The following CACNA2D1 variants were observed in gnomAD, a reference collection of about 807,000 sequenced individuals.
The protein encoded by CACNA2D1 is calcium voltage-gated channel auxiliary subunit alpha2delta 1.
In CACNA2D1, 53 loss-of-function variants were observed where a neutral mutation model predicts 171.5. The observed-to-expected ratio is 0.31, with a 90% CI of 0.25 to 0.39. The LOEUF (loss-of-function observed/expected upper bound fraction) is 0.39, where lower values mean the gene tolerates loss of function less well. CACNA2D1 is among the 10% of genes least tolerant of loss of function. The probability of loss-of-function intolerance (pLI) is 1.00; values close to 1 mark genes in which losing one functional copy is unlikely to be tolerated. For missense variants in CACNA2D1, 903 were observed against 1,299.8 expected (o/e 0.69, Z 4.69); for synonymous variants, 442 against 443.1 (o/e 1.00, Z 0.03).
chr7:82,380,118 G>T (rs1331059635), intron 1 of CACNA2D1, among the ~76,000 whole-genome samples: 2 of 151,978 alleles, frequency 1.3e-5, no homozygotes, highest in African/African-American at 2.4e-5. Context: ...AACTATAATT[G>T]TCTCCTATCA....
At chr7:82,000,389 T>C (rs1344934431) in intron 18 of CACNA2D1, among the ~76,000 whole-genome samples, 2 of 152,080 alleles carry the variant, frequency 1.3e-5, no homozygotes, top group African/African-American at 4.8e-5. Context: ...ATTTCCTAGG[T>C]GAATATACTG....
chr7:82,150,267 A>AAAAT (rs1793681289), intron 4 of CACNA2D1, among the ~76,000 whole-genome samples: 1 of 85,592 alleles, frequency 1.2e-5, no homozygotes, highest in Non-Finnish European at 2.2e-5. Flanking sequence ...TAAAAAAAAA[A>AAAAT]AACAAAAACA....
intron 1 of CACNA2D1, among the ~76,000 whole-genome samples, chr7:82,424,872 C>T (rs1329667890): frequency 6.6e-6 from 1 of 152,198 alleles, no homozygotes; most frequent in Non-Finnish European, 1.5e-5. Flanking sequence ...AATCTGTGAG[C>T]ACGTAAAGTA....
chr7:82,051,107 C>G (rs1017078054), intron 10 of CACNA2D1: 1 of 157,760 alleles, frequency 6.3e-6, no homozygotes, highest in Non-Finnish European at 1.4e-5. Context: ...CTCCTTGAAC[C>G]GCATACTGTG....
At chr7:82,185,473 GGGGGAGGGGGAGGAGGAGGGGGA>G (rs1797574351) in intron 3 of CACNA2D1, among the ~76,000 whole-genome samples, 2 of 31,078 alleles carry the variant, frequency 6.4e-5, no homozygotes, top group Non-Finnish European at 1.6e-4. Context: ...AAAAGAGAGG[GGGGGAGGGGGAGGAGGAGGGGGA>G]GGGGAGGGGG....
intron 5 of CACNA2D1, among the ~76,000 whole-genome samples, chr7:82,130,996 G>T (rs1031594500): frequency 4.6e-5 from 7 of 151,990 alleles, no homozygotes; most frequent in Admixed American, 2.0e-4. Context: ...TAGAGACAGG[G>T]TTTCACTGTG....
chr7:82,270,385 T>C (rs773062213), intron 3 of CACNA2D1, among the ~76,000 whole-genome samples: 2 of 152,172 alleles, frequency 1.3e-5, no homozygotes, highest in African/African-American at 2.4e-5. Flanking sequence ...CTCATCACTA[T>C]TGTTGTGAGA....
At chr7:81,967,492 T>C in intron 30 of CACNA2D1, 104 bp downstream of exon 30, 1 of 686,574 alleles carries the variant, frequency 1.5e-6, no homozygotes, top group Non-Finnish European at 2.6e-6. Flanking sequence ...TTCAGTGTAG[T>C]GGTATTGAGA....
chr7:82,178,262 A>G (rs1796761401), intron 3 of CACNA2D1, among the ~76,000 whole-genome samples: 1 of 152,124 alleles, frequency 6.6e-6, no homozygotes, highest in Non-Finnish European at 1.5e-5. Context: ...TTCAAATCTA[A>G]TCTTCAGAGA....
At chr7:82,239,569 C>T (rs1804006027) in intron 3 of CACNA2D1, among the ~76,000 whole-genome samples, 1 of 152,040 alleles carries the variant, frequency 6.6e-6, no homozygotes, top group Admixed American at 6.6e-5. Context: ...AAGCACTTTG[C>T]GCTTCAAAGC....
chr7:82,365,795 T>C lies in CACNA2D1; in HGVS notation c.96-16146A>G, dbSNP rs541556889. Among the ~76,000 whole-genome samples the C allele has an allele frequency of 2.6e-5, 4 of 152,362 alleles. No homozygotes were observed. In the South Asian group the frequency reaches 8.3e-4, roughly 32 times the overall value. On this transcript the variant is annotated intron_variant, in intron 1 of 38. Coordinates refer to ENST00000356860, the MANE Select transcript of CACNA2D1 (RefSeq NM_000722.4). ...TCTTTCACATTGTCCTGAAGTGTTA[T>C]AGGTGGCTAATTGGAGAGATTTGAA...
At chr7:82,240,056 T>G (rs1019139588) in intron 3 of CACNA2D1, among the ~76,000 whole-genome samples, 2 of 152,188 alleles carry the variant, frequency 1.3e-5, no homozygotes, top group African/African-American at 4.8e-5. Flanking sequence ...GCACTAAGAT[T>G]ATTGTGCAAA....
chr7:82,142,512 G>A (rs2129090371), intron 4 of CACNA2D1, among the ~76,000 whole-genome samples: 1 of 152,216 alleles, frequency 6.6e-6, no homozygotes, highest in South Asian at 2.1e-4. Context: ...CTTCCCCATG[G>A]AACTAAGATG....
chr7:82,180,621 CT>C (rs775825269), intron 3 of CACNA2D1, among the ~76,000 whole-genome samples: 73 of 152,286 alleles, frequency 4.8e-4, no homozygotes, highest in Admixed American at 2.3e-3. Context: ...AAGAAAGCCA[CT>C]CTCTAGGAGA....
chr7:82,337,019 T>G (rs1009393362), intron 2 of CACNA2D1, among the ~76,000 whole-genome samples: 1 of 152,166 alleles, frequency 6.6e-6, no homozygotes, highest in African/African-American at 2.4e-5. Flanking sequence ...CCGGACATAT[T>G]AATTACTTGG....
intron 18 of CACNA2D1, among the ~76,000 whole-genome samples, chr7:82,004,192 G>A (rs1798896817): frequency 2.6e-5 from 4 of 152,034 alleles, no homozygotes; most frequent in African/African-American, 9.7e-5. Context: ...CAAAATCATA[G>A]GATGATTAGC....
chr7:82,368,122 G>C (rs571162769), intron 1 of CACNA2D1, among the ~76,000 whole-genome samples: 25 of 152,234 alleles, frequency 1.6e-4, no homozygotes, highest in African/African-American at 5.8e-4. Flanking sequence ...ACTTAAAAGA[G>C]GCACTGCCAC....
intron 1 of CACNA2D1, among the ~76,000 whole-genome samples, chr7:82,427,018 T>C (rs1289924997): frequency 6.6e-6 from 1 of 152,202 alleles, no homozygotes; most frequent in Non-Finnish European, 1.5e-5. Context: ...TCATAGGTAA[T>C]GTATACATAG....
chr7:82,051,072 C>CT (rs1805143475), intron 10 of CACNA2D1: 1 of 168,298 alleles, frequency 5.9e-6, no homozygotes, highest in African/African-American at 2.4e-5. Context: ...TTGCTCTTTA[C>CT]TTGATATAAA....
Sources: allele counts gnomAD v4.1 joint callset (sites outside exome capture counted in the v4.1 genomes callset), GRCh38; gene constraint gnomAD v4.1.1; transcripts MANE v1.5; gene names NCBI Gene and HGNC (gene_info 2026-07-23, HGNC 2026-07-21).